SDK1: variants seen among roughly 807,000 people sequenced by gnomAD.
SDK1 encodes protein sidekick-1.
A neutral mutation model predicts 245.5 loss-of-function variants in SDK1; 157 were observed. That is an observed-to-expected ratio of 0.64 (90% CI 0.56 to 0.73). The LOEUF is 0.73. Ranked by LOEUF, SDK1 falls within the 30% of genes least tolerant of loss-of-function variation. The pLI is 0.00. For missense variants in SDK1, 3,583 were observed against 3,002.3 expected, an observed-to-expected ratio of 1.19 and a Z score of -4.52; for synonymous variants, 1,647 against 1,278.5, an observed-to-expected ratio of 1.29 and a Z score of -6.15.
At position 4,049,433 on chromosome 7, in the gene SDK1, G is replaced by A. The variant is rs190631601; in HGVS notation, c.2688G>A (p.Gln896=). The A allele has an allele frequency of 1.2e-6, 2 of 1,613,982 alleles. No homozygotes were observed. Among genetic ancestry groups the A allele is most frequent in the Non-Finnish European group, 8.5e-7 (1 of 1,179,952 alleles). ...IQFLWNPPPQ[Q]FINGINQGYK... is the part of the protein sequence containing the mutation. Reference sequence around the variant, plus strand: ...TCCTGTGGAACCCTCCGCCTCAGCAGTTTATCAATGGCATCAACCAGGGAT... The same window carrying A: ...TCCTGTGGAACCCTCCGCCTCAGCAATTTATCAATGGCATCAACCAGGGAT... The change falls in exon 18 of 45, where the codon CAG becomes CAA. Residue 896 remains glutamine (Q), a synonymous_variant. Transcript: ENST00000404826.
Position 3,740,836 on chromosome 7 carries a change from C to T in SDK1, c.714-80614C>T, listed in dbSNP as rs139541924. Among the ~76,000 whole-genome samples, 23 of 152,274 alleles carry T rather than the reference C, an allele frequency of 1.5e-4. 1 individual carries two copies. In the East Asian group the frequency reaches 4.2e-3, roughly 28 times the overall value. ...ATTTCACAATTTTTGTCCATGTTCTCATTGATTTTATGAAGGAGATGATTT... is the reference window on the plus strand; with the variant it reads ...ATTTCACAATTTTTGTCCATGTTCTTATTGATTTTATGAAGGAGATGATTT... On this transcript the variant is annotated intron_variant, in intron 4 of 44. Coordinates refer to ENST00000404826, the MANE Select transcript of SDK1 (RefSeq NM_152744.4).
intron 1 of SDK1, among the ~76,000 whole-genome samples, chr7:3,596,377 T>A (rs1781067850): frequency 6.6e-6 from 1 of 152,234 alleles, no homozygotes; most frequent in Non-Finnish European, 1.5e-5. Context: ...TGTGGTAAAG[T>A]TGCTCGAGGC....
At chr7:4,236,778 CAGG>C (rs1373220328) in intron 41 of SDK1, among the ~76,000 whole-genome samples, 6 of 152,054 alleles carry the variant, frequency 3.9e-5, no homozygotes, top group East Asian at 1.9e-4. Flanking sequence ...TGTGCGCAGG[CAGG>C]AGGTGGTGAC....
chr7:3,449,991 C>T lies in SDK1; in HGVS notation c.298+148107C>T, dbSNP rs915157765. ...GGCTGTTGGGGGGTCGACGAGACTT[C>T]ATGGAAGTGGTCACATCGGAGCTGC... On this transcript the variant is annotated intron_variant, in intron 1 of 44. Coordinates refer to ENST00000404826, the MANE Select transcript of SDK1 (RefSeq NM_152744.4). Among the ~76,000 whole-genome samples the T allele has an allele frequency of 4.6e-5, 7 of 152,320 alleles. No individual in the cohort carries two copies. In the East Asian group the frequency reaches 1.2e-3, roughly 25 times the overall value.
intron 1 of SDK1, among the ~76,000 whole-genome samples, chr7:3,372,003 G>A (rs892355231): frequency 4.6e-5 from 7 of 152,172 alleles, no homozygotes; most frequent in Non-Finnish European, 8.8e-5. Context: ...TAAATGCTAG[G>A]AATCTGTAAG....
chr7:3,991,806 C>A (rs1397788604), intron 14 of SDK1, among the ~76,000 whole-genome samples: 2 of 152,230 alleles, frequency 1.3e-5, no homozygotes, highest in Non-Finnish European at 2.9e-5. Context: ...CTGCTACCAG[C>A]TGGTTGGTCC....
At chr7:4,193,375 TATA>T (rs1562414274) in intron 35 of SDK1, among the ~76,000 whole-genome samples, 5 of 5,522 alleles carry the variant, frequency 9.1e-4, no homozygotes, top group African/African-American at 1.9e-3. Flanking sequence ...AAAATATTTA[TATA>T]TATATATATA....
At chr7:3,797,313 T>C (rs578172924) in intron 4 of SDK1, among the ~76,000 whole-genome samples, 147 of 152,222 alleles carry the variant, frequency 9.7e-4, no homozygotes, top group African/African-American at 3.2e-3. Context: ...GTTCATCTTT[T>C]CCTGTTTTCC....
chr7:3,546,648 C>T (rs1198613576), intron 1 of SDK1, among the ~76,000 whole-genome samples: 1 of 151,796 alleles, frequency 6.6e-6, no homozygotes, highest in African/African-American at 2.4e-5. Context: ...CTGTGGTGGG[C>T]TGCCCAGGGG....
intron 44 of SDK1, among the ~76,000 whole-genome samples, chr7:4,260,122 A>T (rs1562489813): frequency 6.7e-6 from 1 of 150,090 alleles, no homozygotes; most frequent in Non-Finnish European, 1.5e-5. Context: ...GTTCATCGTC[A>T]CCTGATGGAG....
chr7:4,032,166 G>A, intron 17 of SDK1, among the ~76,000 whole-genome samples: 1 of 152,136 alleles, frequency 6.6e-6, no homozygotes, highest in Non-Finnish European at 1.5e-5. Context: ...TATCTTAAGA[G>A]TGTTGATGGG....
At chr7:3,814,176 A>C (rs1779453075) in intron 4 of SDK1, among the ~76,000 whole-genome samples, 1 of 151,054 alleles carries the variant, frequency 6.6e-6, no homozygotes, top group South Asian at 2.1e-4. Flanking sequence ...TTTGGACATA[A>C]AGTCCTTGCC....
At chr7:3,557,504 A>G (rs1019011321) in intron 1 of SDK1, among the ~76,000 whole-genome samples, 1 of 152,190 alleles carries the variant, frequency 6.6e-6, no homozygotes, top group African/African-American at 2.4e-5. Flanking sequence ...CAGTGTCTTG[A>G]TGTGGTGATG....
intron 5 of SDK1, among the ~76,000 whole-genome samples, chr7:3,896,968 A>T (rs1781625584): frequency 6.6e-6 from 1 of 152,178 alleles, no homozygotes; most frequent in Non-Finnish European, 1.5e-5. Context: ...TCATGGCAGA[A>T]GGGTGAAGGG....
At chr7:3,662,458 A>C (rs1179064755) in intron 4 of SDK1, among the ~76,000 whole-genome samples, 4 of 151,934 alleles carry the variant, frequency 2.6e-5, no homozygotes, top group African/African-American at 9.7e-5. Context: ...ACTGTAGACA[A>C]CTCTCCTAGA....
intron 13 of SDK1, among the ~76,000 whole-genome samples, chr7:3,980,260 C>T (rs771373364): frequency 6.6e-6 from 1 of 152,218 alleles, no homozygotes; most frequent in African/African-American, 2.4e-5. Flanking sequence ...TTCTCACACA[C>T]ACCTTGCTTC....
chr7:3,742,219 G>A (rs557458724), intron 4 of SDK1, among the ~76,000 whole-genome samples: 1 of 150,764 alleles, frequency 6.6e-6, no homozygotes, highest in African/African-American at 2.4e-5. Context: ...CAAAGTTCAT[G>A]ACATAAAGGG....
At chr7:4,108,747 G>A (rs944250531) in intron 22 of SDK1, among the ~76,000 whole-genome samples, 10 of 152,150 alleles carry the variant, frequency 6.6e-5, no homozygotes, top group African/African-American at 2.4e-4. Context: ...TCCCAGTGCT[G>A]TGCAACCACC....
intron 4 of SDK1, among the ~76,000 whole-genome samples, chr7:3,704,043 C>G (rs1425422146): frequency 6.6e-6 from 1 of 151,960 alleles, no homozygotes; most frequent in Non-Finnish European, 1.5e-5. Context: ...GTCGTTTTTT[C>G]TTCCTCCCCT....
Sources: allele counts gnomAD v4.1 joint callset (sites outside exome capture counted in the v4.1 genomes callset), GRCh38; gene constraint gnomAD v4.1.1; transcripts MANE v1.5; gene names NCBI Gene and HGNC (gene_info 2026-07-23, HGNC 2026-07-21).